SEMA5A: variants seen among roughly 807,000 people sequenced by gnomAD.
SEMA5A encodes the protein semaphorin-5A.
Under a neutral mutation model 135.5 loss-of-function variants are expected in SEMA5A, and 55 were observed. The observed-to-expected ratio is 0.41, with a 90% CI of 0.33 to 0.51. The LOEUF (loss-of-function observed/expected upper bound fraction) is 0.51, where lower values mean the gene tolerates loss of function less well. Ranked by LOEUF, SEMA5A falls within the 20% of genes least tolerant of loss-of-function variation. The probability of loss-of-function intolerance (pLI) is 0.37; values close to 1 mark genes in which losing one functional copy is unlikely to be tolerated. For missense variants in SEMA5A, 1,290 were observed against 1,419.9 expected (o/e 0.91, Z 1.47); for synonymous variants, 580 against 546.5 (o/e 1.06, Z -0.85).
intron 3 of SEMA5A, among the ~76,000 whole-genome samples, chr5:9,371,685 C>T (rs150765175): frequency 6.6e-6 from 1 of 152,258 alleles, no homozygotes; most frequent in Non-Finnish European, 1.5e-5. Context: ...GACATTACAT[C>T]ACATAAAACA....
intron 4 of SEMA5A, among the ~76,000 whole-genome samples, chr5:9,328,253 T>A (rs1752964474): frequency 6.6e-6 from 1 of 152,154 alleles, no homozygotes; most frequent in Non-Finnish European, 1.5e-5. Flanking sequence ...ACTGCCTAAG[T>A]CTAAGCACCC....
intron 1 of SEMA5A, among the ~76,000 whole-genome samples, chr5:9,485,831 C>T (rs1055821000): frequency 1.3e-5 from 2 of 152,018 alleles, no homozygotes; most frequent in African/African-American, 2.4e-5. Context: ...GAAGAGCAGA[C>T]ACATGCAGAA....
At chr5:9,186,628 C>T (rs1213050458) in intron 11 of SEMA5A, among the ~76,000 whole-genome samples, 1 of 152,148 alleles carries the variant, frequency 6.6e-6, no homozygotes, top group Admixed American at 6.5e-5. Flanking sequence ...CAAGTGCACC[C>T]AGACTGAAAG....
intron 19 of SEMA5A, among the ~76,000 whole-genome samples, chr5:9,052,480 C>T (rs555992861): frequency 7.2e-5 from 11 of 152,206 alleles, no homozygotes; most frequent in African/African-American, 2.4e-4. Flanking sequence ...TGTGCTCAGG[C>T]GAGAGAAATA....
chr5:9,194,922 A>G (rs984132509), intron 10 of SEMA5A, among the ~76,000 whole-genome samples: 3 of 152,200 alleles, frequency 2.0e-5, no homozygotes, highest in Non-Finnish European at 4.4e-5. Context: ...ACGGGCTACA[A>G]GTTATCCACT....
At position 9,149,649 on chromosome 5, in the gene SEMA5A, A is replaced by G. The variant is rs374621604; in HGVS notation, c.1481+4839T>C. Among the ~76,000 whole-genome samples the G allele has an allele frequency of 3.3e-5, 5 of 152,212 alleles. No individual in the cohort carries two copies. In the East Asian group the frequency reaches 5.8e-4, roughly 18 times the overall value. On this transcript the variant is annotated intron_variant, in intron 12 of 22. Transcript: ENST00000382496. Reference sequence around the variant, plus strand: ...ACAGAGTGAGACTCGTCTCAAAAACAAAACAAAACAGAATAAAAAGAGTCC... The same window carrying G: ...ACAGAGTGAGACTCGTCTCAAAAACGAAACAAAACAGAATAAAAAGAGTCC...
At chr5:9,312,767 C>T (rs555813861) in intron 5 of SEMA5A, among the ~76,000 whole-genome samples, 3 of 152,164 alleles carry the variant, frequency 2.0e-5, no homozygotes, top group East Asian at 1.9e-4. Context: ...AAGAGACTTC[C>T]GATTTGAAGT....
chr5:9,418,511 G>C (rs570405927), intron 2 of SEMA5A, among the ~76,000 whole-genome samples: 1 of 152,124 alleles, frequency 6.6e-6, no homozygotes, highest in Non-Finnish European at 1.5e-5. Flanking sequence ...ATCAGCATTT[G>C]GTTCCAGCTG....
chr5:9,279,057 C>T (rs1356117962), intron 5 of SEMA5A, among the ~76,000 whole-genome samples: 1 of 152,188 alleles, frequency 6.6e-6, no homozygotes. Context: ...CCACCAACAA[C>T]TTGCACTGTG....
chr5:9,188,481 G>A (rs116483642), intron 11 of SEMA5A, among the ~76,000 whole-genome samples: 1,934 of 152,222 alleles, frequency 0.013, 43 homozygotes, highest in African/African-American at 0.044. Flanking sequence ...TACGTCCAAA[G>A]GCTCAGGTTG....
intron 5 of SEMA5A, among the ~76,000 whole-genome samples, chr5:9,296,335 G>A (rs2150597391): frequency 6.6e-6 from 1 of 152,092 alleles, no homozygotes; most frequent in Middle Eastern, 3.4e-3. Context: ...AACCAGCTGT[G>A]GTAAACTGCG....
At chr5:9,540,281 G>T (rs1335398365) in intron 1 of SEMA5A, among the ~76,000 whole-genome samples, 1 of 152,142 alleles carries the variant, frequency 6.6e-6, no homozygotes, top group African/African-American at 2.4e-5. Context: ...GCAGTGCGTG[G>T]AGTTCTGCAA....
chr5:9,383,759 G>A (rs572042029), intron 2 of SEMA5A, among the ~76,000 whole-genome samples: 7 of 152,248 alleles, frequency 4.6e-5, no homozygotes, highest in African/African-American at 9.6e-5. Flanking sequence ...GCTTGTGACC[G>A]CAACTGTCCT....
intron 2 of SEMA5A, among the ~76,000 whole-genome samples, chr5:9,403,165 G>A (rs533332171): frequency 5.9e-5 from 9 of 152,220 alleles, no homozygotes; most frequent in Middle Eastern, 3.4e-3. Flanking sequence ...TGGCCCATTC[G>A]AATGAATTAT....
intron 1 of SEMA5A, among the ~76,000 whole-genome samples, chr5:9,490,366 A>G (rs976363880): frequency 1.3e-5 from 2 of 152,086 alleles, no homozygotes; most frequent in African/African-American, 4.8e-5. Flanking sequence ...GAGACTGTAA[A>G]TCAGATGTTT....
At chr5:9,304,443 G>T (rs1294911368) in intron 5 of SEMA5A, among the ~76,000 whole-genome samples, 1 of 151,762 alleles carries the variant, frequency 6.6e-6, no homozygotes, top group African/African-American at 2.4e-5. Flanking sequence ...CATACTTTAT[G>T]AATATAATAT....
At chr5:9,282,928 G>A (rs563872804) in intron 5 of SEMA5A, among the ~76,000 whole-genome samples, 1 of 152,284 alleles carries the variant, frequency 6.6e-6, no homozygotes, top group South Asian at 2.1e-4. Flanking sequence ...CAGGTAGCTT[G>A]TAGAAGCTGG....
chr5:9,230,946 G>A (rs112717051), intron 6 of SEMA5A, among the ~76,000 whole-genome samples: 31 of 152,242 alleles, frequency 2.0e-4, no homozygotes, highest in African/African-American at 7.2e-4. Flanking sequence ...CGTACTTCCC[G>A]TTCTTACTCC....
chr5:9,420,931 G>A (rs9686498), intron 2 of SEMA5A, among the ~76,000 whole-genome samples: 5 of 152,198 alleles, frequency 3.3e-5, no homozygotes, highest in African/African-American at 4.8e-5. Flanking sequence ...CAGGAGAATC[G>A]CTTGAACCCC....
Sources: gnomAD v4.1 joint callset for allele counts (sites outside exome capture counted in the v4.1 genomes callset) on GRCh38, gnomAD v4.1.1 for gene constraint, MANE v1.5 for transcripts, NCBI Gene and HGNC (gene_info 2026-07-23, HGNC 2026-07-21) for gene names.